ASIC2: variants seen among roughly 807,000 people sequenced by gnomAD.
The protein encoded by ASIC2 is acid-sensing ion channel 2.
In ASIC2, 25 loss-of-function variants were observed where a neutral mutation model predicts 57.3. The ratio of observed to expected loss-of-function variants is 0.44; its 90% CI spans 0.32 to 0.61. ASIC2 has a LOEUF of 0.61. ASIC2 is among the 20% of genes least tolerant of loss of function. ASIC2 has a pLI of 0.06. For missense variants in ASIC2, 641 were observed against 738.1 expected (o/e 0.87, Z 1.52); for synonymous variants, 319 against 307.5 (o/e 1.04, Z -0.39).
At chr17:33,163,076 T>C (rs1905207130) in intron 1 of ASIC2, among the ~76,000 whole-genome samples, 1 of 152,106 alleles carries the variant, frequency 6.6e-6, no homozygotes, top group Non-Finnish European at 1.5e-5. Flanking sequence ...AGGGTGCTCA[T>C]TCTGGTGGGG....
At chr17:33,630,017 G>A (rs980886667) in intron 1 of ASIC2, among the ~76,000 whole-genome samples, 3 of 152,106 alleles carry the variant, frequency 2.0e-5, no homozygotes, top group South Asian at 4.1e-4. Context: ...ACTCAGGTGC[G>A]GTTGCCCTGT....
chr17:33,677,962 C>T (rs76909163), intron 1 of ASIC2, among the ~76,000 whole-genome samples: 3,288 of 152,156 alleles, frequency 0.022, 114 homozygotes, highest in African/African-American at 0.073. Flanking sequence ...AAAATGCTAC[C>T]GAACAGAATT....
intron 1 of ASIC2, among the ~76,000 whole-genome samples, chr17:33,217,460 A>G (rs1396203299): frequency 2.0e-5 from 3 of 152,180 alleles, no homozygotes; most frequent in African/African-American, 7.2e-5. Context: ...TGCGTAGTCT[A>G]TTTCCCATCA....
At chr17:33,649,502 G>C (rs1567679111) in intron 1 of ASIC2, among the ~76,000 whole-genome samples, 2 of 152,130 alleles carry the variant, frequency 1.3e-5, no homozygotes, top group Non-Finnish European at 2.9e-5. Context: ...GAAAATCCTA[G>C]TATTTTTTTA....
chr17:33,932,943 C>A (rs1329100206), intron 1 of ASIC2, among the ~76,000 whole-genome samples: 1 of 151,824 alleles, frequency 6.6e-6, no homozygotes, highest in Non-Finnish European at 1.5e-5. Flanking sequence ...TGAGAAAGAT[C>A]AAGAAGGCAA....
At chr17:33,389,701 A>C (rs1371965671) in intron 1 of ASIC2, among the ~76,000 whole-genome samples, 2 of 152,220 alleles carry the variant, frequency 1.3e-5, no homozygotes, top group Non-Finnish European at 2.9e-5. Flanking sequence ...TTATCACAAT[A>C]GCCCCTGACA....
At chr17:33,772,897 G>A (rs1911157701) in intron 1 of ASIC2, among the ~76,000 whole-genome samples, 1 of 152,144 alleles carries the variant, frequency 6.6e-6, no homozygotes, top group Non-Finnish European at 1.5e-5. Flanking sequence ...ACTTCCCAAA[G>A]AATGAGTTTG....
chr17:33,160,208 AAAAAAAAAAAG>A (rs202111334), intron 1 of ASIC2, among the ~76,000 whole-genome samples: 38,618 of 124,210 alleles, frequency 0.31, 5,083 homozygotes, highest in East Asian at 0.47. Flanking sequence ...GACCCTGTTA[AAAAAAAAAAAG>A]AAAAGAAAAG....
chr17:34,085,467 G>C (rs527764244), intron 1 of ASIC2, among the ~76,000 whole-genome samples: 2 of 152,140 alleles, frequency 1.3e-5, no homozygotes, highest in East Asian at 1.9e-4. Flanking sequence ...TTTTTGCATC[G>C]ATGTTCATCA....
At chr17:33,957,259 G>T (rs773352627) in intron 1 of ASIC2, among the ~76,000 whole-genome samples, 7 of 152,122 alleles carry the variant, frequency 4.6e-5, no homozygotes, top group Non-Finnish European at 1.0e-4. Context: ...GCAACCTCAA[G>T]CACAAAGGCG....
At chr17:33,262,366 G>C (rs1909317209) in intron 1 of ASIC2, among the ~76,000 whole-genome samples, 4 of 151,120 alleles carry the variant, frequency 2.6e-5, no homozygotes, top group Admixed American at 2.6e-4. Context: ...AGGGAGGGAG[G>C]GAGAGAGGGA....
At chr17:33,417,915 G>A (rs1323469741) in intron 1 of ASIC2, among the ~76,000 whole-genome samples, 2 of 152,132 alleles carry the variant, frequency 1.3e-5, no homozygotes, top group Non-Finnish European at 2.9e-5. Flanking sequence ...GCCCGACTAG[G>A]CTTTCTCTGT....
intron 3 of ASIC2, among the ~76,000 whole-genome samples, chr17:33,080,051 G>A (rs896823245): frequency 6.6e-6 from 1 of 152,110 alleles, no homozygotes; most frequent in African/African-American, 2.4e-5. Flanking sequence ...GTTGGGTCTG[G>A]AGCTCAGGAA....
chr17:33,389,650 T>G (rs1469948589), intron 1 of ASIC2, among the ~76,000 whole-genome samples: 2 of 152,198 alleles, frequency 1.3e-5, no homozygotes, highest in Non-Finnish European at 2.9e-5. Flanking sequence ...TAGTTAAATC[T>G]GTCTGCAGAG....
intron 1 of ASIC2, among the ~76,000 whole-genome samples, chr17:33,147,258 G>A (rs1362218784): frequency 1.3e-5 from 2 of 152,174 alleles, no homozygotes; most frequent in Non-Finnish European, 2.9e-5. Flanking sequence ...AAGTAAATAA[G>A]AGAAGAGAGA....
chr17:33,504,860 G>T (rs957295167), intron 1 of ASIC2, among the ~76,000 whole-genome samples: 1 of 152,136 alleles, frequency 6.6e-6, no homozygotes, highest in Non-Finnish European at 1.5e-5. Flanking sequence ...CAGGTCCATT[G>T]TTCCTAGCTG....
chr17:33,948,803 A>C (rs1045193266), intron 1 of ASIC2, among the ~76,000 whole-genome samples: 11 of 152,242 alleles, frequency 7.2e-5, no homozygotes, highest in Admixed American at 7.2e-4. Context: ...GACAGTGGAC[A>C]CTGCATGAAG....
chr17:33,908,177 C>T (rs1038850665), intron 1 of ASIC2, among the ~76,000 whole-genome samples: 2 of 152,188 alleles, frequency 1.3e-5, no homozygotes, highest in Admixed American at 6.5e-5. Flanking sequence ...TTCTTAGAGA[C>T]ACGGACCCCA....
At chr17:33,438,194 A>G (rs1239185097) in intron 1 of ASIC2, among the ~76,000 whole-genome samples, 2 of 152,170 alleles carry the variant, frequency 1.3e-5, no homozygotes, top group African/African-American at 4.8e-5. Context: ...TTTCACCACA[A>G]AAAGACTCTT....
Sources: allele counts gnomAD v4.1 joint callset (sites outside exome capture counted in the v4.1 genomes callset), GRCh38; gene constraint gnomAD v4.1.1; transcripts MANE v1.5; gene names NCBI Gene and HGNC (gene_info 2026-07-23, HGNC 2026-07-21).